The following SCARB1 variants were observed in gnomAD, a reference collection of about 807,000 sequenced individuals.
SCARB1 encodes scavenger receptor class B member 1, also known as CD36 and LIMPII analogous 1.
Under a neutral mutation model 57.2 loss-of-function variants are expected in SCARB1, and 30 were observed. The ratio of observed to expected loss-of-function variants is 0.52; its 90% CI spans 0.39 to 0.71. The LOEUF (loss-of-function observed/expected upper bound fraction) is 0.71, where lower values mean the gene tolerates loss of function less well. Ranked by LOEUF, SCARB1 falls within the 30% of genes least tolerant of loss-of-function variation. SCARB1 has a pLI of 0.00. For missense variants in SCARB1, 543 were observed against 671.2 expected, an observed-to-expected ratio of 0.81 and a Z score of 2.11; for synonymous variants, 249 against 268.3, an observed-to-expected ratio of 0.93 and a Z score of 0.70.
chr12:124,803,864 A>C (rs1310776343), intron 7 of SCARB1, among the ~76,000 whole-genome samples: 1 of 152,136 alleles, frequency 6.6e-6, no homozygotes, highest in Non-Finnish European at 1.5e-5. Context: ...GAGCCTGGGC[A>C]ACAGAGAAAC....
chr12:124,843,607 C>A (rs1042869885), intron 1 of SCARB1, among the ~76,000 whole-genome samples: 1 of 152,138 alleles, frequency 6.6e-6, no homozygotes, highest in Non-Finnish European at 1.5e-5. Flanking sequence ...TTCATGCCCA[C>A]CTAGAACCTC....
chr12:124,790,009 C>CAAAAAAAAAAAAA (rs61031862), intron 9 of SCARB1, among the ~76,000 whole-genome samples: 51 of 106,020 alleles, frequency 4.8e-4, no homozygotes, highest in African/African-American at 1.6e-3. Flanking sequence ...GACTCCGTCT[C>CAAAAAAAAAAAAA]AAAAAAAAAA....
At chr12:124,837,109 C>G (rs1044764162) in intron 1 of SCARB1, among the ~76,000 whole-genome samples, 3 of 152,190 alleles carry the variant, frequency 2.0e-5, no homozygotes, top group Non-Finnish European at 4.4e-5. Context: ...CCTCATCCTG[C>G]TCCCCAGTTG....
chr12:124,782,684 T>G lies in SCARB1; in HGVS notation c.1529A>C (p.Ter510SerextTer40). 6.2e-7 allele frequency: 1 copy of G among 1,614,014 alleles called. No individual in the cohort carries two copies. The highest frequency in any genetic ancestry group is 8.5e-7 in the Non-Finnish European group (1 of 1,179,940). The change falls in exon 12 of 13, where the codon TAG (stop) becomes TCG (serine). Residue 510 changes from the stop codon to serine (S), a stop_lost and splice_region_variant. Transcript: ENST00000261693. ...CGCACGGCATTACCTGGTACCCACC[T>G]ACAGTTTTGCTTCCTGCAGCACAGA... ...KGSVLQEAKL[*>S] is the part of the protein sequence containing the mutation.
At chr12:124,831,134 C>T (rs949206804) in intron 1 of SCARB1, among the ~76,000 whole-genome samples, 1 of 152,190 alleles carries the variant, frequency 6.6e-6, no homozygotes, top group African/African-American at 2.4e-5. Context: ...CGCCACCACA[C>T]CTGGCTAATT....
At chr12:124,811,006 C>T (rs935294625) in intron 5 of SCARB1, among the ~76,000 whole-genome samples, 2 of 152,146 alleles carry the variant, frequency 1.3e-5, no homozygotes, top group Non-Finnish European at 2.9e-5. Flanking sequence ...GGAAGTCACA[C>T]AGTCATTTTC....
Position 124,863,741 on chromosome 12 carries a change from C to G in SCARB1, c.-21G>C, listed in dbSNP as rs776773028. The G allele has an allele frequency of 9.7e-6, 14 of 1,442,676 alleles. No homozygotes were observed. The highest frequency in any genetic ancestry group is 8.6e-5 in the Admixed American group (3 of 35,062). 89.4% of individuals were successfully genotyped at this position (1,442,676 alleles called of 1,614,324 possible). On this transcript the variant is annotated 5_prime_UTR_variant, in exon 1 of 13. Coordinates refer to ENST00000261693, the MANE Select transcript of SCARB1 (RefSeq NM_005505.5). ...CCCATGTCTGCGCGCCTGGGGCCCACCCGCGGCTCGCAGGGCTCCGCGCCT... is the reference window on the plus strand; with the variant it reads ...CCCATGTCTGCGCGCCTGGGGCCCAGCCGCGGCTCGCAGGGCTCCGCGCCT...
At chr12:124,831,095 C>A (rs1019504571) in intron 1 of SCARB1, among the ~76,000 whole-genome samples, 1 of 151,992 alleles carries the variant, frequency 6.6e-6, no homozygotes, top group African/African-American at 2.4e-5. Flanking sequence ...CCTGCCTCAG[C>A]CCCCCAAGTA....
At position 124,838,253 on chromosome 12, in the gene SCARB1, G is replaced by A. The variant is rs144511103; in HGVS notation, c.127-20546C>T. On this transcript the variant is annotated intron_variant, in intron 1 of 12. Transcript: ENST00000261693. The stretch of plus-strand genomic sequence containing the variant: ...GGCCGGATCTGGCCATTAGGGAGAG[G>A]GCCAGGGCGCAGACCTAGTTCTGGC... Among the ~76,000 whole-genome samples, 132 of 152,312 alleles carry A rather than the reference G, an allele frequency of 8.7e-4. 1 individual carries two copies. The highest frequency in any genetic ancestry group is 1.7e-3 in the Non-Finnish European group (115 of 68,030).
At chr12:124,849,533 C>T (rs1190104369) in intron 1 of SCARB1, among the ~76,000 whole-genome samples, 2 of 152,240 alleles carry the variant, frequency 1.3e-5, no homozygotes, top group South Asian at 4.1e-4. Flanking sequence ...TGACTTCCTC[C>T]GGCACCCACC....
chr12:124,803,731 ATAAAT>A (rs1950224539), intron 7 of SCARB1, among the ~76,000 whole-genome samples: 1 of 144,830 alleles, frequency 6.9e-6, no homozygotes, highest in African/African-American at 2.8e-5. Context: ...ATAAGATAAA[ATAAAT>A]TAGCCAGGTA....
chr12:124,780,951 G>A (rs1024667111), intron 12 of SCARB1, among the ~76,000 whole-genome samples: 16 of 152,196 alleles, frequency 1.1e-4, no homozygotes, highest in Non-Finnish European at 2.1e-4. Flanking sequence ...CACACCGATG[G>A]GGCCAAACCG....
At chr12:124,803,855 A>G (rs959210974) in intron 7 of SCARB1, among the ~76,000 whole-genome samples, 13 of 152,154 alleles carry the variant, frequency 8.5e-5, no homozygotes, top group African/African-American at 3.1e-4. Context: ...ACTGCACTTG[A>G]GCCTGGGCAA....
rs977429381 is a variant in SCARB1 at position 124,782,580 on chromosome 12, T to G, written c.*103A>C. 3.4e-6 allele frequency: 4 copies of G among 1,172,686 alleles called. No homozygotes were observed. In the African/African-American group the frequency reaches 4.6e-5, roughly 13 times the overall value. 72.6% of individuals were successfully genotyped at this position (1,172,686 alleles called of 1,614,324 possible). A position where few individuals can be genotyped will look rare whatever the true frequency, so the allele number is the denominator to read the frequency against. On this transcript the variant is annotated intron_variant, in intron 12 of 12. Transcript: ENST00000261693. ...CAGTCTGTAGACACTCCAGGTGAAG[T>G]TGAGGCTGAAGGAATGAGCAGGACC...
At position 124,863,627 on chromosome 12, in the gene SCARB1, C is replaced by G; in HGVS notation, c.94G>C (p.Val32Leu). The change falls in exon 1 of 13, where the codon GTG (valine) becomes CTG (leucine). Residue 32 changes from valine (V) to leucine (L), a missense_variant. By Grantham distance (32) the Val-to-Leu change is conservative. Coordinates refer to ENST00000261693, the MANE Select transcript of SCARB1 (RefSeq NM_005505.5). ...AVLGAVMIVM[V>L]PSLIKQQVLK... is the part of the protein sequence containing the mutation. ...ACCTGCTGCTTGATGAGCGACGGCA[C>G]CATCACGATCATGACAGCGCCCAGC... is the stretch of plus-strand genomic sequence containing the variant. 1 of 1,600,990 alleles carries G rather than the reference C, an allele frequency of 6.2e-7. No individual in the cohort carries two copies. The highest frequency in any genetic ancestry group is 8.5e-7 in the Non-Finnish European group (1 of 1,174,112).
At chr12:124,832,910 G>A (rs985485799) in intron 1 of SCARB1, among the ~76,000 whole-genome samples, 13 of 152,042 alleles carry the variant, frequency 8.6e-5, no homozygotes, top group African/African-American at 2.2e-4. Flanking sequence ...TACAGTTCTC[G>A]GGGGGAGAAG....
intron 1 of SCARB1, among the ~76,000 whole-genome samples, chr12:124,827,055 C>A (rs752701368): frequency 7.9e-5 from 12 of 152,196 alleles, no homozygotes; most frequent in Non-Finnish European, 1.3e-4. Flanking sequence ...GGCCTACAAG[C>A]CCCTCTGCCT....
chr12:124,800,317 C>G lies in SCARB1; in HGVS notation c.1010-75G>C. 5 of 1,145,654 alleles carry G rather than the reference C, an allele frequency of 4.4e-6. No individual in the cohort carries two copies. Among genetic ancestry groups the G allele is most frequent in the Non-Finnish European group, 5.2e-6 (4 of 765,454 alleles). 71.0% of individuals were successfully genotyped at this position (1,145,654 alleles called of 1,614,324 possible). ...GGTCCTGCCAGGCCGGAGGTCTGCA[C>G]AGAGCTGTGGTCTGCAGGGCACCCC... On this transcript the variant is annotated intron_variant, in intron 7 of 12. Transcript: ENST00000261693. The surrounding 1 kb of genome is among the most constrained non-coding windows in gnomAD (Gnocchi z 4.8).
intron 1 of SCARB1, among the ~76,000 whole-genome samples, chr12:124,851,678 G>A (rs556601684): frequency 6.8e-6 from 1 of 147,730 alleles, no homozygotes; most frequent in East Asian, 2.0e-4. Context: ...CGCGATCTCA[G>A]CTCACTGCAA....
Sources: gnomAD v4.1 joint callset for allele counts (sites outside exome capture counted in the v4.1 genomes callset) on GRCh38, gnomAD v4.1.1 for gene constraint, Gnocchi (gnomAD v3.1) non-coding constraint, MANE v1.5 for transcripts, NCBI Gene and HGNC (gene_info 2026-07-23, HGNC 2026-07-21) for gene names.